MOXD1: variants seen among roughly 807,000 people sequenced by gnomAD.
MOXD1 encodes monooxygenase DBH like 1.
In MOXD1, 62 loss-of-function variants were observed where a neutral mutation model predicts 66.6. That is an observed-to-expected ratio of 0.93 (90% CI 0.76 to 1.15). The LOEUF is 1.15. Ranked by LOEUF, MOXD1 falls within the 50% of genes most tolerant of loss-of-function variation. The pLI is 0.00. For missense variants in MOXD1, 847 were observed against 754.6 expected (o/e 1.12, Z -1.44); for synonymous variants, 303 against 281.9 (o/e 1.07, Z -0.75).
intron 10 of MOXD1, among the ~76,000 whole-genome samples, chr6:132,303,754 CATA>C (rs1218701797): frequency 8.2e-6 from 1 of 122,158 alleles, no homozygotes; most frequent in African/African-American, 3.2e-5. Flanking sequence ...TACACATGTA[CATA>C]TATATATATA....
chr6:132,324,205 AG>A lies in MOXD1; in HGVS notation c.947-109del, dbSNP rs1775140693. 1.5e-5 allele frequency: 17 copies of A among 1,124,642 alleles called. No homozygotes were observed. The South Asian group carries it at 2.3e-4, about 15-fold the overall frequency. 69.7% of individuals were successfully genotyped at this position (1,124,642 alleles called of 1,614,324 possible). A position where few individuals can be genotyped will look rare whatever the true frequency, so the allele number is the denominator to read the frequency against. On this transcript the variant is annotated intron_variant, in intron 6 of 11. Coordinates refer to ENST00000367963, the MANE Select transcript of MOXD1 (RefSeq NM_015529.4). ...TAAAGTTTTCATATTCTGTTGAAAT[AG>A]GTTTATTTATTTTCCATAAACTGTC...
At chr6:132,300,247 T>A (rs995886953) in intron 10 of MOXD1, among the ~76,000 whole-genome samples, 1 of 152,094 alleles carries the variant, frequency 6.6e-6, no homozygotes, top group Non-Finnish European at 1.5e-5. Context: ...ATCTATAGCA[T>A]TTGAAAATTA....
At chr6:132,362,710 C>A (rs1312246942) in intron 4 of MOXD1, among the ~76,000 whole-genome samples, 1 of 152,180 alleles carries the variant, frequency 6.6e-6, no homozygotes, top group Non-Finnish European at 1.5e-5. Flanking sequence ...AAGATCTTAG[C>A]TCAGCTTAAA....
chr6:132,297,384 TCAGCTGCCCA>T, intron 11 of MOXD1, 67 bp from the exon 12 acceptor site: 1 of 1,512,830 alleles, frequency 6.6e-7, no homozygotes, highest in Non-Finnish European at 9.1e-7. Context: ...ACCAGGCCGC[TCAGCTGCCCA>T]CACTTCTGCA....
chr6:132,347,069 C>T (rs938482972), intron 4 of MOXD1, among the ~76,000 whole-genome samples: 1 of 152,070 alleles, frequency 6.6e-6, no homozygotes, highest in Non-Finnish European at 1.5e-5. Flanking sequence ...TTTATATGTA[C>T]CAAGGACATT....
chr6:132,386,228 C>T (rs1265345009), intron 1 of MOXD1, among the ~76,000 whole-genome samples: 1 of 146,412 alleles, frequency 6.8e-6, no homozygotes, highest in African/African-American at 2.6e-5. Context: ...CGGTGAAACC[C>T]CGTCTCTACT....
chr6:132,359,414 T>C (rs1031697195), intron 4 of MOXD1, among the ~76,000 whole-genome samples: 2 of 152,060 alleles, frequency 1.3e-5, no homozygotes, highest in Non-Finnish European at 2.9e-5. Flanking sequence ...TGCACATGTG[T>C]GCAATTAAGA....
rs111429762 is a variant in MOXD1, at chr6:132,398,812, G to A, written c.264+2351C>T. On this transcript the variant is annotated intron_variant, in intron 1 of 11. Coordinates refer to ENST00000367963, the MANE Select transcript of MOXD1 (RefSeq NM_015529.4). ...AAATCAGCCTGGCATGGTGACAGGC[G>A]CCTGTAATCCCAGCTACTCGGGAGG... Among the ~76,000 whole-genome samples, 10 of 151,422 alleles carry A rather than the reference G, an allele frequency of 6.6e-5. No homozygotes were observed. The East Asian group carries it at 7.8e-4, about 12-fold the overall frequency.
chr6:132,392,945 T>G (rs998031004), intron 1 of MOXD1, among the ~76,000 whole-genome samples: 1 of 152,252 alleles, frequency 6.6e-6, no homozygotes, highest in Non-Finnish European at 1.5e-5. Context: ...AAAATCTGAT[T>G]TCTTAACTCC....
intron 10 of MOXD1, among the ~76,000 whole-genome samples, chr6:132,309,592 G>A (rs190547523): frequency 6.6e-6 from 1 of 152,242 alleles, no homozygotes; most frequent in African/African-American, 2.4e-5. Flanking sequence ...AACAAAGCTG[G>A]AGGCATCACA....
At chr6:132,347,285 G>A (rs1775687012) in intron 4 of MOXD1, among the ~76,000 whole-genome samples, 1 of 152,138 alleles carries the variant, frequency 6.6e-6, no homozygotes, top group South Asian at 2.1e-4. Flanking sequence ...TATCTGTACA[G>A]GATACAGTGG....
chr6:132,315,535 C>T, intron 10 of MOXD1, 100 bp downstream of exon 10: 1 of 1,299,024 alleles, frequency 7.7e-7, no homozygotes, highest in Non-Finnish European at 1.1e-6. Flanking sequence ...ACAAACAGTG[C>T]ATAAAAATTT....
At chr6:132,369,252 T>A (rs72994835) in intron 4 of MOXD1, among the ~76,000 whole-genome samples, 31,236 of 151,958 alleles carry the variant, frequency 0.21, 3,337 homozygotes, top group South Asian at 0.28. Flanking sequence ...GCTCAATGCT[T>A]TCTAGTGCGG....
At chr6:132,362,263 T>C (rs1776031169) in intron 4 of MOXD1, among the ~76,000 whole-genome samples, 1 of 152,166 alleles carries the variant, frequency 6.6e-6, no homozygotes, top group Admixed American at 6.5e-5. Flanking sequence ...TATACACTTA[T>C]TCTATAAATT....
intron 1 of MOXD1, among the ~76,000 whole-genome samples, chr6:132,397,188 G>A (rs1766724657): frequency 6.6e-6 from 1 of 152,174 alleles, no homozygotes; most frequent in African/African-American, 2.4e-5. Flanking sequence ...ATAACTTCAA[G>A]GAAACAAGGC....
At chr6:132,400,009 A>G (rs1776985346) in intron 1 of MOXD1, among the ~76,000 whole-genome samples, 2 of 152,228 alleles carry the variant, frequency 1.3e-5, no homozygotes, top group African/African-American at 2.4e-5. Context: ...TTGGGGGAAG[A>G]AACGATTAAT....
At chr6:132,361,424 T>C (rs971236496) in intron 4 of MOXD1, among the ~76,000 whole-genome samples, 2 of 152,130 alleles carry the variant, frequency 1.3e-5, no homozygotes, top group Admixed American at 6.5e-5. Context: ...TATATTTCGA[T>C]AGACATTCAA....
intron 4 of MOXD1, among the ~76,000 whole-genome samples, chr6:132,332,119 G>C (rs73546020): frequency 0.042 from 6,422 of 152,244 alleles, 247 homozygotes; most frequent in African/African-American, 0.096. Context: ...GGCCTTTCAA[G>C]GTGTTCCTTC....
At chr6:132,315,603 T>C in intron 10 of MOXD1, 32 bp downstream of exon 10, 1 of 1,588,424 alleles carries the variant, frequency 6.3e-7, no homozygotes, top group Non-Finnish European at 8.6e-7. Context: ...CTGAAATACG[T>C]TACCCCATCA....
Sources: gnomAD v4.1 joint callset for allele counts (sites outside exome capture counted in the v4.1 genomes callset) on GRCh38, gnomAD v4.1.1 for gene constraint, MANE v1.5 for transcripts, NCBI Gene and HGNC (gene_info 2026-07-23, HGNC 2026-07-21) for gene names.